Variants in ZC3H12B observed in about 807,000 individuals in gnomAD.
ZC3H12B encodes zinc finger CCCH-type containing 12B.
ZC3H12B carries 7 observed loss-of-function variants against 43.9 expected under a neutral mutation model. The ratio of observed to expected loss-of-function variants is 0.16; its 90% CI spans 0.09 to 0.30. The LOEUF is 0.30. Ranked by LOEUF, ZC3H12B falls within the 10% of genes least tolerant of loss-of-function variation. The pLI is 1.00. For synonymous variants in ZC3H12B, 222 were observed against 241.7 expected (o/e 0.92, Z 0.76); for missense variants, 475 against 670.2 (o/e 0.71, Z 3.22).
chrX:65,393,548 T>G (rs1296313098), intron 2 of ZC3H12B, among the ~76,000 whole-genome samples: 3 of 111,548 alleles, frequency 2.7e-5, no homozygotes, highest in Non-Finnish European at 5.6e-5. Flanking sequence ...GAACGTGCAG[T>G]GTTTGGTTTT....
intron 2 of ZC3H12B, among the ~76,000 whole-genome samples, chrX:65,378,598 G>T (rs765945655): frequency 3.6e-5 from 4 of 112,317 alleles, no homozygotes; most frequent in Non-Finnish European, 5.6e-5. Flanking sequence ...GGCAGGAGTG[G>T]GGGAGGAGCC....
chrX:65,101,153 C>A, the ZC3H12B span, among the ~76,000 whole-genome samples: 1 of 111,695 alleles, frequency 9.0e-6, no homozygotes, highest in Non-Finnish European at 1.9e-5. Flanking sequence ...CTACTGGGCA[C>A]ATAATGAAAT....
At chrX:65,116,390 C>G in the ZC3H12B span, among the ~76,000 whole-genome samples, 1 of 110,893 alleles carries the variant, frequency 9.0e-6, no homozygotes, top group Non-Finnish European at 1.9e-5. Context: ...GTTCTCTATT[C>G]TGTTCCATTG....
chrX:65,082,824 A>G, the ZC3H12B span, among the ~76,000 whole-genome samples: 1 of 111,516 alleles, frequency 9.0e-6, no homozygotes, highest in Admixed American at 9.5e-5. Context: ...CTAAAGGTCA[A>G]TATTGTTGAT....
At chrX:65,424,387 T>C (rs1048774807) in intron 3 of ZC3H12B, among the ~76,000 whole-genome samples, 3 of 112,055 alleles carry the variant, frequency 2.7e-5, no homozygotes, top group African/African-American at 6.5e-5. Context: ...GGTGAATAGG[T>C]TGCAAAATTT....
At chrX:65,459,956 A>G (rs1032938306) in intron 3 of ZC3H12B, among the ~76,000 whole-genome samples, 5 of 111,515 alleles carry the variant, frequency 4.5e-5, no homozygotes, top group African/African-American at 1.6e-4. Context: ...AATCTAGAAA[A>G]CTCCATCATC....
At chrX:65,181,622 A>G in the ZC3H12B span, among the ~76,000 whole-genome samples, 1 of 112,398 alleles carries the variant, frequency 8.9e-6, no homozygotes, top group African/African-American at 3.2e-5. Flanking sequence ...AAAGGAAGAC[A>G]TTTATGCTGC....
chrX:65,070,973 C>T, the ZC3H12B span, among the ~76,000 whole-genome samples: 1 of 108,867 alleles, frequency 9.2e-6, no homozygotes, highest in South Asian at 4.1e-4. Context: ...TCCATTTGGT[C>T]AAGTGTTGAG....
chrX:65,366,910 G>C (rs932852132), intron 1 of ZC3H12B, 144 bp downstream of exon 3: 4 of 112,437 alleles, frequency 3.6e-5, no homozygotes, highest in African/African-American at 1.3e-4. Flanking sequence ...ATTCAGTGAT[G>C]AGTACATAAT....
upstream of ZC3H12B, among the ~76,000 whole-genome samples, chrX:65,362,027 C>T (rs2066110268): frequency 8.9e-6 from 1 of 112,087 alleles, no homozygotes; most frequent in Non-Finnish European, 1.9e-5. Flanking sequence ...CAACAAATGC[C>T]CACAGCCCGG....
At chrX:65,079,546 G>T in the ZC3H12B span, among the ~76,000 whole-genome samples, 1 of 112,291 alleles carries the variant, frequency 8.9e-6, no homozygotes, top group Non-Finnish European at 1.9e-5. Context: ...GACTCTGTGT[G>T]GGAGAAAGAA....
the ZC3H12B span, among the ~76,000 whole-genome samples, chrX:65,052,459 C>T: frequency 9.1e-6 from 1 of 110,456 alleles, no homozygotes; most frequent in East Asian, 2.8e-4. Context: ...TACCCACCTC[C>T]CCCCAGAACC....
the ZC3H12B span, among the ~76,000 whole-genome samples, chrX:65,232,053 G>C: frequency 1.9e-5 from 2 of 104,026 alleles, no homozygotes; most frequent in Admixed American, 2.0e-4. Context: ...GGCTAACATG[G>C]TGAAACCCCG....
chrX:65,428,058 C>A (rs4557165), intron 3 of ZC3H12B, among the ~76,000 whole-genome samples: 23 of 111,927 alleles, frequency 2.1e-4, no homozygotes, highest in African/African-American at 7.5e-4. Flanking sequence ...AGGTTGAAAA[C>A]CTTTTTCTTT....
the ZC3H12B span, among the ~76,000 whole-genome samples, chrX:65,254,203 G>A: frequency 8.9e-6 from 1 of 112,250 alleles, no homozygotes; most frequent in Non-Finnish European, 1.9e-5. Context: ...ATGCCACCAT[G>A]CCACTGCCAC....
At chrX:65,312,403 T>G in the ZC3H12B span, among the ~76,000 whole-genome samples, 1 of 110,573 alleles carries the variant, frequency 9.0e-6, no homozygotes, top group African/African-American at 3.3e-5. Flanking sequence ...GGTTCTATTT[T>G]TTTTTTTCAG....
the ZC3H12B span, among the ~76,000 whole-genome samples, chrX:65,170,171 C>G: frequency 8.9e-6 from 1 of 111,738 alleles, no homozygotes; most frequent in Admixed American, 9.6e-5. Context: ...GTGGCTGGTA[C>G]CAATTGTTCC....
At chrX:65,160,761 T>C in the ZC3H12B span, among the ~76,000 whole-genome samples, 1 of 111,771 alleles carries the variant, frequency 8.9e-6, no homozygotes, top group Non-Finnish European at 1.9e-5. Context: ...TCTATTTCCT[T>C]CAGTTCTGCT....
At chrX:65,265,819 G>A in the ZC3H12B span, among the ~76,000 whole-genome samples, 29 of 111,977 alleles carry the variant, frequency 2.6e-4, 1 homozygote, top group Admixed American at 2.4e-3. Flanking sequence ...AAACCAGCAG[G>A]GAGAGGGGAA....
Sources: gnomAD v4.1 joint callset for allele counts (sites outside exome capture counted in the v4.1 genomes callset) on GRCh38, gnomAD v4.1.1 for gene constraint, MANE v1.5 for transcripts, NCBI Gene and HGNC (gene_info 2026-07-23, HGNC 2026-07-21) for gene names.